PLOD2: variants seen among roughly 807,000 people sequenced by gnomAD.
The protein encoded by PLOD2 is lysine hydroxylase 2.
A neutral mutation model predicts 101.0 loss-of-function variants in PLOD2; 65 were observed. The observed-to-expected ratio is 0.64, with a 90% confidence interval of 0.53 to 0.79. The LOEUF (loss-of-function observed/expected upper bound fraction) is 0.79. Ranked by LOEUF, PLOD2 falls within the 30% of genes least tolerant of loss-of-function variation. PLOD2 has a pLI of 0.00. For missense variants in PLOD2, 909 were observed against 914.6 expected, an observed-to-expected ratio of 0.99 and a Z score of 0.08; for synonymous variants, 314 against 302.9, an observed-to-expected ratio of 1.04 and a Z score of -0.38.
chr3:146,137,376 A>C (rs1355628859), intron 1 of PLOD2, among the ~76,000 whole-genome samples: 1 of 152,164 alleles, frequency 6.6e-6, no homozygotes, highest in African/African-American at 2.4e-5. Context: ...CCTCCTGAGT[A>C]GCTGGGACTA....
At chr3:146,160,829 C>T (rs1209766721) in intron 1 of PLOD2, 52 bp downstream of exon 1, 27 of 1,139,908 alleles carry the variant, frequency 2.4e-5, no homozygotes, top group African/African-American at 4.6e-5. Context: ...GAATGAACTG[C>T]CCCCCCGCCG....
chr3:146,148,338 G>GCACACACACACA (rs71158220), intron 1 of PLOD2, among the ~76,000 whole-genome samples: 8,144 of 146,438 alleles, frequency 0.056, 272 homozygotes, highest in African/African-American at 0.066. Context: ...AGGCAGGCAC[G>GCACACACACACA]CACACACACA....
chr3:146,132,174 C>A (rs1296339214), intron 1 of PLOD2, among the ~76,000 whole-genome samples: 1 of 152,090 alleles, frequency 6.6e-6, no homozygotes, highest in Non-Finnish European at 1.5e-5. Context: ...GGGTAGTATG[C>A]AGAATGACTC....
Position 146,071,416 on chromosome 3 carries a change from C to T in PLOD2, c.1856G>A (p.Arg619His), listed in dbSNP as rs121434461. Residue 619 changes from arginine to histidine, a missense_variant, in exon 18 of 20, where the codon CGT becomes CAT. Physicochemically the swap from Arg to His is conservative, Grantham distance 29. Coordinates refer to ENST00000282903, the MANE Select transcript of PLOD2 (RefSeq NM_182943.3). ...KWSGGKHHDSRISGGYENVPT... is the reference protein window; with the variant it reads ...KWSGGKHHDSHISGGYENVPT... ...GACATTTTCATAACCACCAGATATA[C>T]GGCTATCCTAGAAACAACATTAATG... 15 of 1,611,022 alleles carry T rather than the reference C, an allele frequency of 9.3e-6. No individual in the cohort carries two copies. Among genetic ancestry groups the T allele is most frequent in the Admixed American group, 1.7e-5 (1 of 59,718 alleles).
intron 3 of PLOD2, among the ~76,000 whole-genome samples, chr3:146,118,837 A>C (rs1402481705): frequency 6.6e-6 from 1 of 152,144 alleles, no homozygotes; most frequent in Non-Finnish European, 1.5e-5. Context: ...TCTTCTGTTT[A>C]ACCAGAATCC....
rs1201369889 is a variant in PLOD2, at chr3:146,106,459, A to C, written c.615+73T>G. 7.6e-6 allele frequency: 6 copies of C among 789,976 alleles called. No individual in the cohort carries two copies. The East Asian group carries it at 1.5e-4, about 19-fold the overall frequency. 48.9% of individuals were successfully genotyped at this position (789,976 alleles called of 1,614,324 possible). ...TATCATAAAACCTTTGTTTCTGACCACTCCACATTAACACAATATAACACA... is the reference window on the plus strand; with the variant it reads ...TATCATAAAACCTTTGTTTCTGACCCCTCCACATTAACACAATATAACACA... On this transcript the variant is annotated intron_variant, in intron 5 of 19. Transcript: ENST00000282903.
At chr3:146,109,955 T>C (rs1044993571) in intron 4 of PLOD2, among the ~76,000 whole-genome samples, 1 of 152,128 alleles carries the variant, frequency 6.6e-6, no homozygotes, top group East Asian at 1.9e-4. Context: ...AAACTTATTA[T>C]CCTAGAGCAA....
chr3:146,110,626 G>A (rs1472521349), intron 3 of PLOD2, among the ~76,000 whole-genome samples, 178 bp from the exon 4 acceptor site: 2 of 152,142 alleles, frequency 1.3e-5, no homozygotes, highest in South Asian at 2.1e-4. Context: ...TATATGAATT[G>A]TATTGAATTA....
At chr3:146,096,024 TTGCA>T (rs1487119258) in intron 7 of PLOD2, among the ~76,000 whole-genome samples, 2 of 146,936 alleles carry the variant, frequency 1.4e-5, no homozygotes, top group Non-Finnish European at 3.0e-5. Context: ...GTGCCTGCGA[TTGCA>T]GGCGCGCGCC....
At chr3:146,122,229 A>G (rs1345275326) in intron 2 of PLOD2, among the ~76,000 whole-genome samples, 1 of 152,204 alleles carries the variant, frequency 6.6e-6, no homozygotes, top group Non-Finnish European at 1.5e-5. Flanking sequence ...AGGTTGAGGG[A>G]AAAACACAAC....
intron 1 of PLOD2, among the ~76,000 whole-genome samples, chr3:146,135,899 AAAATT>A (rs1306923136): frequency 6.6e-6 from 1 of 152,168 alleles, no homozygotes; most frequent in Non-Finnish European, 1.5e-5. Context: ...TCCAAAAAAA[AAAATT>A]AAATATCAAA....
chr3:146,144,899 T>C (rs1162372532), intron 1 of PLOD2, among the ~76,000 whole-genome samples: 1 of 152,094 alleles, frequency 6.6e-6, no homozygotes, highest in African/African-American at 2.4e-5. Flanking sequence ...TACTAATTGA[T>C]AGTGTGTTCA....
rs77503880 is a variant in PLOD2 at position 146,133,621 on chromosome 3, A to C, written c.110-9392T>G. ...TATGCCAATCCCTTCCCAGAAACAG[A>C]GAGATGAAATGAAAGGGCTGGATTG... On this transcript the variant is annotated intron_variant, in intron 1 of 19. Coordinates refer to ENST00000282903, the MANE Select transcript of PLOD2 (RefSeq NM_182943.3). Among the ~76,000 whole-genome samples, 177 of 152,276 alleles carry C rather than the reference A, an allele frequency of 1.2e-3. 2 individuals carry two copies. In the East Asian group the frequency reaches 0.03, roughly 26 times the overall value.
rs997582395 is a variant in PLOD2 at position 146,120,882 on chromosome 3, C to T, written c.338+230G>A. On this transcript the variant is annotated intron_variant, in intron 3 of 19. Transcript: ENST00000282903. ...GATTACAGGCACCTGCCACCACGCC[C>T]GGCTAATTTTTTGTATTTTTAGTAG... Among the ~76,000 whole-genome samples the T allele has an allele frequency of 2.1e-4, 32 of 152,082 alleles. 1 individual carries two copies. The highest frequency in any genetic ancestry group is 3.9e-4 in the Admixed American group (6 of 15,262).
At chr3:146,096,747 G>T (rs1937178842) in intron 7 of PLOD2, among the ~76,000 whole-genome samples, 1 of 150,026 alleles carries the variant, frequency 6.7e-6, no homozygotes, top group African/African-American at 2.5e-5. Flanking sequence ...CGTCCGGGAG[G>T]GAGGTGGGGG....
chr3:146,109,052 A>G (rs1374914366), intron 4 of PLOD2, among the ~76,000 whole-genome samples: 1 of 152,174 alleles, frequency 6.6e-6, no homozygotes, highest in Non-Finnish European at 1.5e-5. Context: ...GTGGGTAGCC[A>G]TATTAGGGAG....
intron 12 of PLOD2, among the ~76,000 whole-genome samples, chr3:146,080,683 C>G (rs9852725): frequency 0.52 from 78,496 of 151,916 alleles, 20,398 homozygotes; most frequent in Middle Eastern, 0.56. Context: ...AACAAATTTT[C>G]CATTCTACTT....
chr3:146,082,222 C>G (rs1208743609), intron 11 of PLOD2, among the ~76,000 whole-genome samples: 2 of 152,058 alleles, frequency 1.3e-5, no homozygotes, highest in Non-Finnish European at 2.9e-5. Flanking sequence ...TATTTCGGAA[C>G]CTATATTAAA....
chr3:146,109,226 A>G (rs984555509), intron 4 of PLOD2, among the ~76,000 whole-genome samples: 3 of 152,264 alleles, frequency 2.0e-5, no homozygotes, highest in Non-Finnish European at 4.4e-5. Flanking sequence ...AAGAGATCCC[A>G]GAAAGCATTA....
Sources: allele counts gnomAD v4.1 joint callset (sites outside exome capture counted in the v4.1 genomes callset), GRCh38; gene constraint gnomAD v4.1.1; transcripts MANE v1.5; gene names NCBI Gene and HGNC (gene_info 2026-07-23, HGNC 2026-07-21).